SNX8: variants seen among roughly 807,000 people sequenced by gnomAD.
The protein encoded by SNX8 is sorting nexin 8.
Under a neutral mutation model 51.6 loss-of-function variants are expected in SNX8, and 25 were observed. The ratio of observed to expected loss-of-function variants is 0.48; its 90% CI spans 0.35 to 0.68. SNX8 has a LOEUF of 0.68. SNX8 is among the 30% of genes least tolerant of loss of function. The probability of loss-of-function intolerance (pLI) is 0.00; values close to 1 mark genes in which losing one functional copy is unlikely to be tolerated. For missense variants in SNX8, 695 were observed against 624.0 expected (o/e 1.11, Z -1.21); for synonymous variants, 324 against 277.0 (o/e 1.17, Z -1.68).
intron 1 of SNX8, among the ~76,000 whole-genome samples, chr7:2,319,671 T>C (rs879516565): frequency 3.3e-5 from 5 of 152,010 alleles, no homozygotes; most frequent in Non-Finnish European, 7.4e-5. Context: ...AAAAATTAGC[T>C]GGGTGTGGTG....
intron 1 of SNX8, among the ~76,000 whole-genome samples, chr7:2,352,425 C>G (rs1388763918): frequency 6.6e-6 from 1 of 152,074 alleles, no homozygotes; most frequent in African/African-American, 2.4e-5. Flanking sequence ...GAGACACAGA[C>G]ACACCACCAG....
intron 1 of SNX8, among the ~76,000 whole-genome samples, chr7:2,306,472 G>C (rs1033482230): frequency 2.6e-5 from 4 of 152,136 alleles, no homozygotes; most frequent in South Asian, 2.1e-4. Context: ...CATGTGGCAA[G>C]AATATCTCTA....
intron 3 of SNX8, among the ~76,000 whole-genome samples, chr7:2,273,348 G>T (rs1776923755): frequency 6.6e-6 from 1 of 151,730 alleles, no homozygotes; most frequent in African/African-American, 2.4e-5. Context: ...ACTTTGGGAG[G>T]CTGAGGCAGG....
At chr7:2,300,719 T>C (rs908412402) in intron 1 of SNX8, among the ~76,000 whole-genome samples, 32 of 152,248 alleles carry the variant, frequency 2.1e-4, no homozygotes, top group Non-Finnish European at 1.0e-4. Context: ...CTTGGCTCCC[T>C]GCAACCTCCA....
intron 1 of SNX8, among the ~76,000 whole-genome samples, chr7:2,336,567 G>T (rs1207849002): frequency 1.3e-5 from 2 of 151,968 alleles, no homozygotes; most frequent in Non-Finnish European, 2.9e-5. Context: ...AATTAGCTGG[G>T]CATGGTGGTG....
chr7:2,324,330 G>A (rs10271457), intron 1 of SNX8, among the ~76,000 whole-genome samples: 6,223 of 144,060 alleles, frequency 0.043, 440 homozygotes, highest in African/African-American at 0.15. Flanking sequence ...TCACTGTGTC[G>A]TCCAGGCTAG....
chr7:2,310,246 A>T (rs184026207), intron 1 of SNX8, among the ~76,000 whole-genome samples: 1 of 152,208 alleles, frequency 6.6e-6, no homozygotes. Context: ...TGACCTAAGA[A>T]CAGGCCCTGA....
At chr7:2,345,807 A>T (rs1779011927) in intron 1 of SNX8, among the ~76,000 whole-genome samples, 1 of 151,914 alleles carries the variant, frequency 6.6e-6, no homozygotes, top group Non-Finnish European at 1.5e-5. Flanking sequence ...ATTATTTCTT[A>T]TTTTTGTTTT....
intron 1 of SNX8, among the ~76,000 whole-genome samples, chr7:2,310,352 G>A (rs1266977967): frequency 3.3e-5 from 5 of 152,118 alleles, no homozygotes; most frequent in African/African-American, 1.2e-4. Context: ...AGCCAGGCTC[G>A]GTGCCTCATG....
intron 2 of SNX8, among the ~76,000 whole-genome samples, chr7:2,277,888 G>A (rs1002041960): frequency 1.3e-5 from 2 of 152,032 alleles, no homozygotes; most frequent in Admixed American, 6.6e-5. Context: ...AGGTGGGGAC[G>A]TGGCTGGGCC....
intron 1 of SNX8, among the ~76,000 whole-genome samples, chr7:2,352,396 G>A (rs967621817): frequency 2.0e-5 from 3 of 151,966 alleles, no homozygotes; most frequent in Non-Finnish European, 2.9e-5. Context: ...ATTACATAAT[G>A]AAGAAAATTT....
intron 1 of SNX8, among the ~76,000 whole-genome samples, chr7:2,279,327 G>A (rs1249754976): frequency 1.3e-5 from 2 of 149,754 alleles, no homozygotes; most frequent in Non-Finnish European, 3.0e-5. Flanking sequence ...CGGAGTCGAC[G>A]CTGGACTCAC....
intron 1 of SNX8, among the ~76,000 whole-genome samples, chr7:2,342,861 C>T (rs1052162615): frequency 2.6e-5 from 4 of 151,850 alleles, no homozygotes; most frequent in Admixed American, 1.3e-4. Context: ...CTCGCTCTGT[C>T]GCCTAGGCTG....
chr7:2,305,539 C>T (rs1027155969), intron 1 of SNX8, among the ~76,000 whole-genome samples: 2 of 151,858 alleles, frequency 1.3e-5, no homozygotes, highest in Non-Finnish European at 2.9e-5. Flanking sequence ...AATGTTTATA[C>T]TTTTATTAGA....
At chr7:2,307,496 G>T (rs1379798293) in intron 1 of SNX8, among the ~76,000 whole-genome samples, 2 of 151,946 alleles carry the variant, frequency 1.3e-5, no homozygotes, top group Non-Finnish European at 2.9e-5. Context: ...GCCAGGTGCG[G>T]TGGTGGACAC....
chr7:2,348,693 C>T (rs930704824), intron 1 of SNX8, among the ~76,000 whole-genome samples: 2 of 151,618 alleles, frequency 1.3e-5, no homozygotes, highest in Admixed American at 6.6e-5. Flanking sequence ...TGGCTCACAC[C>T]TGTAATTCCA....
In SNX8 at chr7:2,257,013, G is replaced by A; in HGVS notation, c.1145C>T (p.Ala382Val). ...GTTCCGCAGCTCCATCGTCTGAATC[G>A]CGTTCTCCTGCTGCGGAGCAAACAG... ...LESRIVEQEN[A>V]IQTMELRNYF... The change falls in exon 10 of 11, where the codon GCG becomes GTG. Residue 382 changes from alanine to valine, a missense_variant. By Grantham distance (64) the Ala-to-Val change is moderately conservative (BLOSUM62 0). Transcript: ENST00000222990. 2 of 1,604,890 alleles carry A rather than the reference G, an allele frequency of 1.2e-6. No individual in the cohort carries two copies. Among genetic ancestry groups the A allele is most frequent in the East Asian group, 4.5e-5 (2 of 44,554 alleles).
At chr7:2,299,749 C>A (rs922210278) in intron 1 of SNX8, among the ~76,000 whole-genome samples, 1 of 151,976 alleles carries the variant, frequency 6.6e-6, no homozygotes, top group Non-Finnish European at 1.5e-5. Context: ...TTTCTAGGGT[C>A]TCCTGACATG....
intron 5 of SNX8, among the ~76,000 whole-genome samples, chr7:2,268,606 C>G: frequency 1.5e-5 from 2 of 135,286 alleles, no homozygotes. Flanking sequence ...GTGGGGGGGT[C>G]AGCCCTCCGC....
Sources: gnomAD v4.1 joint callset for allele counts (sites outside exome capture counted in the v4.1 genomes callset) on GRCh38, gnomAD v4.1.1 for gene constraint, MANE v1.5 for transcripts, NCBI Gene and HGNC (gene_info 2026-07-23, HGNC 2026-07-21) for gene names.